Variants in KYNU observed in about 807,000 individuals in gnomAD.
KYNU encodes L-kynurenine hydrolase.
A neutral mutation model predicts 59.2 loss-of-function variants in KYNU; 54 were observed. The observed-to-expected ratio is 0.91, with a 90% confidence interval of 0.73 to 1.14. The LOEUF is 1.14. KYNU is among the 50% of genes most tolerant of loss of function. The pLI is 0.00. For missense variants in KYNU, 567 were observed against 554.4 expected (o/e 1.02, Z -0.23); for synonymous variants, 177 against 192.0 (o/e 0.92, Z 0.65).
At chr2:142,955,031 C>T (rs1684117939) in intron 5 of KYNU, among the ~76,000 whole-genome samples, 160 bp downstream of exon 5, 1 of 151,954 alleles carries the variant, frequency 6.6e-6, no homozygotes, top group Non-Finnish European at 1.5e-5. Flanking sequence ...GATATAATAG[C>T]TTCTTCCTAA....
At chr2:142,936,839 T>C (rs187166070) in intron 4 of KYNU, among the ~76,000 whole-genome samples, 2 of 151,980 alleles carry the variant, frequency 1.3e-5, no homozygotes, top group Admixed American at 6.6e-5. Context: ...GGTGGAGGGG[T>C]AGGCCCAAGG....
intron 10 of KYNU, among the ~76,000 whole-genome samples, chr2:143,022,799 T>G (rs1686445687): frequency 6.6e-6 from 1 of 152,038 alleles, no homozygotes; most frequent in Admixed American, 6.6e-5. Flanking sequence ...AATGTCTCTT[T>G]TATGATGTGC....
intron 4 of KYNU, among the ~76,000 whole-genome samples, chr2:142,950,677 A>G (rs964580557): frequency 6.6e-6 from 1 of 152,232 alleles, no homozygotes; most frequent in Non-Finnish European, 1.5e-5. Context: ...GCCAAACCAT[A>G]TGAAGGCTGT....
At chr2:142,900,033 T>C (rs1682022093) in intron 2 of KYNU, among the ~76,000 whole-genome samples, 1 of 152,176 alleles carries the variant, frequency 6.6e-6, no homozygotes. Flanking sequence ...CCTCAAAGGT[T>C]CCAAAGAATG....
intron 4 of KYNU, among the ~76,000 whole-genome samples, chr2:142,948,504 G>C (rs371313159): frequency 1.3e-5 from 2 of 152,204 alleles, no homozygotes; most frequent in East Asian, 3.8e-4. Flanking sequence ...ACATAGCTGG[G>C]GAAGCCTCAT....
At chr2:142,889,881 T>G (rs935007551) in intron 2 of KYNU, among the ~76,000 whole-genome samples, 5 of 152,214 alleles carry the variant, frequency 3.3e-5, no homozygotes, top group African/African-American at 1.2e-4. Flanking sequence ...ATATGAGATT[T>G]TTTTTTTTAA....
chr2:142,971,166 T>A (rs548317481), intron 8 of KYNU: 2 of 152,340 alleles, frequency 1.3e-5, no homozygotes, highest in African/African-American at 4.8e-5. Flanking sequence ...CCTTCATTCC[T>A]ATAGGTGGCA....
intron 4 of KYNU, among the ~76,000 whole-genome samples, chr2:142,943,381 A>T (rs765707234): frequency 1.3e-5 from 2 of 152,096 alleles, no homozygotes; most frequent in Non-Finnish European, 2.9e-5. Flanking sequence ...AAAAATTATT[A>T]TGTGTACAAA....
chr2:142,915,649 T>G (rs1217210800), intron 2 of KYNU, among the ~76,000 whole-genome samples: 1 of 152,158 alleles, frequency 6.6e-6, no homozygotes, highest in Non-Finnish European at 1.5e-5. Flanking sequence ...TTTATAGCAA[T>G]CATACTGTAG....
chr2:142,951,952 C>T (rs1049161462), intron 4 of KYNU, among the ~76,000 whole-genome samples: 1 of 152,166 alleles, frequency 6.6e-6, no homozygotes, highest in African/African-American at 2.4e-5. Flanking sequence ...TTAATTCTGC[C>T]CAGCACATCT....
chr2:142,930,425 G>A (rs1216334954), intron 4 of KYNU, among the ~76,000 whole-genome samples: 1 of 152,148 alleles, frequency 6.6e-6, no homozygotes, highest in Non-Finnish European at 1.5e-5. Flanking sequence ...AGGAGAAAGG[G>A]TCTCCAGACT....
At chr2:142,921,210 A>G (rs565544087) in intron 3 of KYNU, among the ~76,000 whole-genome samples, 8 of 152,282 alleles carry the variant, frequency 5.3e-5, no homozygotes, top group Admixed American at 3.9e-4. Context: ...GAAAGTTTCT[A>G]TTGGGTTTTT....
intron 2 of KYNU, among the ~76,000 whole-genome samples, chr2:142,887,840 A>G (rs1681569631): frequency 6.6e-6 from 1 of 152,226 alleles, no homozygotes; most frequent in Non-Finnish European, 1.5e-5. Flanking sequence ...TTGGTTGCAC[A>G]ATAATGTGAA....
At chr2:143,012,606 T>C (rs371203397) in intron 10 of KYNU, among the ~76,000 whole-genome samples, 1 of 152,174 alleles carries the variant, frequency 6.6e-6, no homozygotes, top group East Asian at 1.9e-4. Flanking sequence ...ATATTTAAGG[T>C]CTATAACATG....
intron 10 of KYNU, among the ~76,000 whole-genome samples, chr2:143,013,298 C>CTCTCTCTGTGTGTGTGTGTG (rs72349700): frequency 3.5e-4 from 52 of 149,572 alleles, no homozygotes; most frequent in African/African-American, 1.1e-3. Flanking sequence ...GTCTCTTTCT[C>CTCTCTCTGTGTGTGTGTGTG]TGTGTGTGTG....
At chr2:142,907,386 C>A (rs1682335564) in intron 2 of KYNU, among the ~76,000 whole-genome samples, 2 of 152,140 alleles carry the variant, frequency 1.3e-5, no homozygotes, top group African/African-American at 4.8e-5. Flanking sequence ...CTTGGTTGTG[C>A]AGGAACAAAG....
intron 4 of KYNU, chr2:142,947,223 T>A (rs749327163): frequency 6.5e-7 from 1 of 1,550,074 alleles, no homozygotes; most frequent in Non-Finnish European, 8.7e-7. Flanking sequence ...TTCAGTGGAG[T>A]TCTCTAAACT....
rs764499772 is a variant in KYNU at position 143,040,537 on chromosome 2, A to G, written c.1151A>G (p.Lys384Arg). ...HNYGKDKAAT[K>R]KPVVNIITPS... ...TATGGCAAAGATAAAGCAGCAACCA[A>G]GAAACCAGTTGTGAACATAATTACT... The change falls in exon 13 of 14, where the codon AAG becomes AGG. Residue 384 changes from lysine (K) to arginine (R), a missense_variant. Lys to Arg is a conservative substitution (Grantham distance 26). Transcript: ENST00000264170. 6.2e-7 allele frequency: 1 copy of G among 1,613,302 alleles called. No homozygotes were observed. The highest frequency in any genetic ancestry group is 8.5e-7 in the Non-Finnish European group (1 of 1,179,504).
At chr2:142,952,291 G>A (rs1684017652) in intron 4 of KYNU, among the ~76,000 whole-genome samples, 1 of 151,694 alleles carries the variant, frequency 6.6e-6, no homozygotes, top group African/African-American at 2.4e-5. Flanking sequence ...GCCCAGGCTG[G>A]TCTTGAACTC....
Sources: gnomAD v4.1 joint callset for allele counts (sites outside exome capture counted in the v4.1 genomes callset) on GRCh38, gnomAD v4.1.1 for gene constraint, MANE v1.5 for transcripts, NCBI Gene and HGNC (gene_info 2026-07-23, HGNC 2026-07-21) for gene names.